Variants in CAMTA1 observed in about 807,000 individuals in gnomAD.
CAMTA1 encodes the protein calmodulin-binding transcription activator 1.
CAMTA1 carries 27 observed loss-of-function variants against 170.9 expected under a neutral mutation model. That is an observed-to-expected ratio of 0.16 (90% confidence interval 0.12 to 0.22). The LOEUF (loss-of-function observed/expected upper bound fraction) is 0.22, where lower values mean the gene tolerates loss of function less well. Among genes scored for constraint, CAMTA1 ranks in the 10% least tolerant of loss-of-function variants. CAMTA1 has a pLI of 1.00. For synonymous variants in CAMTA1, 833 were observed against 891.5 expected, an observed-to-expected ratio of 0.93 and a Z score of 1.17; for missense variants, 1,619 against 2,217.2, an observed-to-expected ratio of 0.73 and a Z score of 5.42.
At chr1:7,078,770 A>T (rs537668333) in intron 3 of CAMTA1, among the ~76,000 whole-genome samples, 42 of 152,350 alleles carry the variant, frequency 2.8e-4, no homozygotes, top group African/African-American at 9.1e-4. Context: ...ACTGTAAACC[A>T]TACAATCACT....
intron 5 of CAMTA1, among the ~76,000 whole-genome samples, chr1:7,376,892 G>A (rs561064917): frequency 1.2e-4 from 18 of 152,308 alleles, no homozygotes; most frequent in African/African-American, 3.8e-4. Context: ...CTGGGAGCTA[G>A]TCTGTCCTCA....
At chr1:7,352,660 G>T (rs845236) in intron 5 of CAMTA1, among the ~76,000 whole-genome samples, 1 of 152,172 alleles carries the variant, frequency 6.6e-6, no homozygotes, top group Non-Finnish European at 1.5e-5. Flanking sequence ...CCTGGCCTCA[G>T]CCCAGCAGGC....
In CAMTA1 at chr1:7,565,416, G is replaced by A. The variant is rs911548433; in HGVS notation, c.511-74984G>A. Among the ~76,000 whole-genome samples, 1 of 152,110 alleles carries A rather than the reference G, an allele frequency of 6.6e-6. No individual in the cohort carries two copies. Among genetic ancestry groups the A allele is most frequent in the Non-Finnish European group, 1.5e-5 (1 of 68,002 alleles). ...TGGGACAGCTGACCCAGGCTTCTAG[G>A]CCCCAGGGACAACCCAGGTCCCTGA... On this transcript the variant is annotated intron_variant, in intron 6 of 22. Transcript: ENST00000303635. This position sits in a 1 kb window ranked among gnomAD's most constrained non-coding sequence, Gnocchi z 4.5.
chr1:6,848,249 C>G (rs1377132909), intron 3 of CAMTA1, among the ~76,000 whole-genome samples: 1 of 152,106 alleles, frequency 6.6e-6, no homozygotes, highest in Non-Finnish European at 1.5e-5. Context: ...TGGCCTCAAA[C>G]AATCCTCTCA....
rs1415068803 is a variant in CAMTA1 at position 6,984,073 on chromosome 1, G to A, written c.235-107231G>A. On this transcript the variant is annotated intron_variant, in intron 3 of 22. Transcript: ENST00000303635. Reference sequence around the variant, plus strand: ...AGATGGATAAATGGGTGGGTGGATGGGTGGATAGATGGATGGGTGGGTGGG... The same window carrying A: ...AGATGGATAAATGGGTGGGTGGATGAGTGGATAGATGGATGGGTGGGTGGG... 3.4e-4 allele frequency among the ~76,000 whole-genome samples: 52 copies of A among 151,892 alleles called. 1 individual carries two copies. Among genetic ancestry groups the A allele is most frequent in the Middle Eastern group, 3.4e-3 (1 of 292 alleles).
rs181146054 is a variant in CAMTA1 at position 6,887,580 on chromosome 1, G to C, written c.234+62370G>C. The C allele has an allele frequency of 5.9e-6, 9 of 1,522,024 alleles. No homozygotes were observed. The Admixed American group carries it at 1.0e-4, about 17-fold the overall frequency. 94.3% of individuals were successfully genotyped at this position (1,522,024 alleles called of 1,614,324 possible). Reference sequence around the variant, plus strand: ...CCTCCTCTCTCTGCCTCTGGAAATGGGGCAAATTTTTCTTCAGTTAAAAAC... The same window carrying C: ...CCTCCTCTCTCTGCCTCTGGAAATGCGGCAAATTTTTCTTCAGTTAAAAAC... On this transcript the variant is annotated intron_variant, in intron 3 of 22. Transcript: ENST00000303635. This position sits in a 1 kb window ranked among gnomAD's most constrained non-coding sequence, Gnocchi z 4.1.
chr1:7,760,910 G>A (rs192310742), intron 22 of CAMTA1, among the ~76,000 whole-genome samples: 1 of 152,338 alleles, frequency 6.6e-6, no homozygotes, highest in East Asian at 1.9e-4. Context: ...TAGATGTAAT[G>A]AAGCAGCTTT....
intron 3 of CAMTA1, among the ~76,000 whole-genome samples, chr1:6,870,567 CTAAG>C (rs1421699042): frequency 6.6e-6 from 1 of 152,116 alleles, no homozygotes; most frequent in Admixed American, 6.5e-5. Context: ...ATTTTAATAT[CTAAG>C]TGTTTTTGGA....
chr1:7,263,284 T>A (rs1264269452), intron 5 of CAMTA1, among the ~76,000 whole-genome samples: 1 of 152,240 alleles, frequency 6.6e-6, no homozygotes, highest in African/African-American at 2.4e-5. Context: ...ATCTGTTTTT[T>A]ATACTTTCTT....
At chr1:7,178,537 G>A (rs1651423518) in intron 4 of CAMTA1, among the ~76,000 whole-genome samples, 1 of 152,186 alleles carries the variant, frequency 6.6e-6, no homozygotes, top group African/African-American at 2.4e-5. Context: ...AAGTCTAACT[G>A]ATTCTCTTTG....
At chr1:7,218,580 C>T (rs1660170527) in intron 4 of CAMTA1, among the ~76,000 whole-genome samples, 1 of 152,160 alleles carries the variant, frequency 6.6e-6, no homozygotes, top group African/African-American at 2.4e-5. Flanking sequence ...GCACATTTGC[C>T]AATGCTGCCC....
rs1424029317 is a variant in CAMTA1 at position 7,286,061 on chromosome 1, A to G, written c.438+36435A>G. Among the ~76,000 whole-genome samples the G allele has an allele frequency of 6.6e-6, 1 of 152,184 alleles. No individual in the cohort carries two copies. Among genetic ancestry groups the G allele is most frequent in the Non-Finnish European group, 1.5e-5 (1 of 68,028 alleles). ...GGCCAATGGAGCCTGCTGTGTGCCA[A>G]GCACCATGCCAGATTCTGAAGACTC... is the stretch of plus-strand genomic sequence containing the variant. On this transcript the variant is annotated intron_variant, in intron 5 of 22. Coordinates refer to ENST00000303635, the MANE Select transcript of CAMTA1 (RefSeq NM_015215.4). This position sits in a 1 kb window ranked among gnomAD's most constrained non-coding sequence, Gnocchi z 4.2.
chr1:7,128,743 C>T (rs1184883263), intron 4 of CAMTA1, among the ~76,000 whole-genome samples: 3 of 151,744 alleles, frequency 2.0e-5, no homozygotes, highest in Non-Finnish European at 4.4e-5. Context: ...CAGTCTCTGC[C>T]TCCTGGGTTC....
intron 6 of CAMTA1, among the ~76,000 whole-genome samples, chr1:7,608,285 G>A (rs1186498568): frequency 6.6e-6 from 1 of 152,232 alleles, no homozygotes; most frequent in East Asian, 1.9e-4. Flanking sequence ...CCAAGGTCAT[G>A]CAGGTGGTAG....
intron 1 of CAMTA1, among the ~76,000 whole-genome samples, chr1:6,787,682 A>G (rs772132322): frequency 9.9e-5 from 15 of 152,202 alleles, no homozygotes; most frequent in East Asian, 5.8e-4. Context: ...AATTCTGACT[A>G]TTCTTTGGTT....
rs142693398 is a variant in CAMTA1 at position 7,298,146 on chromosome 1, G to T, written c.438+48520G>T. On this transcript the variant is annotated intron_variant, in intron 5 of 22. Coordinates refer to ENST00000303635, the MANE Select transcript of CAMTA1 (RefSeq NM_015215.4). Reference sequence around the variant, plus strand: ...TGTCTGTAGAGGACTCCCAGGGAAGGATTCTCAAGGAAGACTCAATGGGAA... The same window carrying T: ...TGTCTGTAGAGGACTCCCAGGGAAGTATTCTCAAGGAAGACTCAATGGGAA... Among the ~76,000 whole-genome samples, 1,446 of 152,298 alleles carry T rather than the reference G, an allele frequency of 9.5e-3. 28 individuals are homozygous for T. Among genetic ancestry groups the T allele is most frequent in the African/African-American group, 0.033 (1,375 of 41,564 alleles).
chr1:7,099,133 C>G (rs1403001175), intron 4 of CAMTA1, among the ~76,000 whole-genome samples: 1 of 151,976 alleles, frequency 6.6e-6, no homozygotes, highest in Non-Finnish European at 1.5e-5. Context: ...ACTGCAACCT[C>G]CACCTCCCAG....
chr1:7,440,180 T>A (rs549408026), intron 5 of CAMTA1, among the ~76,000 whole-genome samples: 2 of 152,380 alleles, frequency 1.3e-5, no homozygotes, highest in East Asian at 3.9e-4. Flanking sequence ...TTGGGCTCTG[T>A]GCCCACTACC....
chr1:7,473,590 G>C (rs2093369915), intron 6 of CAMTA1, among the ~76,000 whole-genome samples: 3 of 152,212 alleles, frequency 2.0e-5, no homozygotes, highest in African/African-American at 7.2e-5. Flanking sequence ...CATGCCCCCA[G>C]GGAGTCCTCC....
Sources: allele counts gnomAD v4.1 joint callset (sites outside exome capture counted in the v4.1 genomes callset), GRCh38; gene constraint gnomAD v4.1.1; non-coding constraint Gnocchi (gnomAD v3.1); transcripts MANE v1.5; gene names NCBI Gene and HGNC (gene_info 2026-07-23, HGNC 2026-07-21).